ARHGAP12: variants seen among roughly 807,000 people sequenced by gnomAD.
ARHGAP12 encodes the protein Rho GTPase activating protein 12.
A neutral mutation model predicts 108.6 loss-of-function variants in ARHGAP12; 64 were observed. The ratio of observed to expected loss-of-function variants is 0.59; its 90% CI spans 0.48 to 0.73. The LOEUF (loss-of-function observed/expected upper bound fraction) is 0.73, where lower values mean the gene tolerates loss of function less well. Ranked by LOEUF, ARHGAP12 falls within the 30% of genes least tolerant of loss-of-function variation. The pLI is 0.00. For missense variants in ARHGAP12, 940 were observed against 1,005.9 expected, an observed-to-expected ratio of 0.93 and a Z score of 0.89; for synonymous variants, 312 against 337.2, an observed-to-expected ratio of 0.93 and a Z score of 0.82.
intron 3 of ARHGAP12, among the ~76,000 whole-genome samples, chr10:31,889,618 C>CT (rs1564414245): frequency 3.0e-3 from 300 of 101,400 alleles, no homozygotes; most frequent in African/African-American, 0.01. Context: ...TAATTTTTCT[C>CT]GTTTTTTTTT....
At chr10:31,864,872 T>C (rs12241716) in intron 3 of ARHGAP12, among the ~76,000 whole-genome samples, 7,683 of 152,184 alleles carry the variant, frequency 0.05, 648 homozygotes, top group African/African-American at 0.17. Flanking sequence ...AAGTGAAACA[T>C]GATAATAATA....
chr10:31,857,012 T>C (rs1404435947), intron 4 of ARHGAP12, among the ~76,000 whole-genome samples: 1 of 152,220 alleles, frequency 6.6e-6, no homozygotes, highest in African/African-American at 2.4e-5. Flanking sequence ...GTATGATAAA[T>C]GTATTGTGGT....
chr10:31,921,842 A>T lies in ARHGAP12; in HGVS notation c.-111+6841T>A, dbSNP rs1425630420. ...GATGAGAGCAGAAAGCAATAAAAAGAAAACAGAAAAATGTTAGAGAAAAAT... is the reference window on the plus strand; with the variant it reads ...GATGAGAGCAGAAAGCAATAAAAAGTAAACAGAAAAATGTTAGAGAAAAAT... On this transcript the variant is annotated intron_variant, in intron 1 of 19. Coordinates refer to ENST00000344936, the MANE Select transcript of ARHGAP12 (RefSeq NM_018287.7). Among the ~76,000 whole-genome samples the T allele has an allele frequency of 2.0e-5, 3 of 151,800 alleles. No individual in the cohort carries two copies. In the South Asian group the frequency reaches 6.2e-4, roughly 32 times the overall value.
chr10:31,813,961 A>G (rs2132148031), intron 14 of ARHGAP12, among the ~76,000 whole-genome samples: 1 of 152,328 alleles, frequency 6.6e-6, no homozygotes, highest in East Asian at 1.9e-4. Flanking sequence ...TTTTTAAATC[A>G]ATGAAGTTCA....
intron 2 of ARHGAP12, among the ~76,000 whole-genome samples, 162 bp from the exon 3 acceptor site, chr10:31,909,088 A>G (rs1001398472): frequency 6.6e-6 from 1 of 152,222 alleles, no homozygotes; most frequent in African/African-American, 2.4e-5. Flanking sequence ...ATGCACTGCC[A>G]CATTAAAAAC....
rs142748714 is a variant in ARHGAP12, at chr10:31,917,226, G to A, written c.-110-6663C>T. Among the ~76,000 whole-genome samples the A allele has an allele frequency of 1.9e-3, 292 of 151,576 alleles. No homozygotes were observed. In the Middle Eastern group the frequency reaches 0.021, roughly 11 times the overall value. On this transcript the variant is annotated intron_variant, in intron 1 of 19. Coordinates refer to ENST00000344936, the MANE Select transcript of ARHGAP12 (RefSeq NM_018287.7). ...AAATCGAGACCATGCTGGTTAACACGGTGAAACCTCGTCTCTACTAAAAAT... is the reference window on the plus strand; with the variant it reads ...AAATCGAGACCATGCTGGTTAACACAGTGAAACCTCGTCTCTACTAAAAAT...
chr10:31,928,433 G>A (rs1840155694), intron 1 of ARHGAP12, among the ~76,000 whole-genome samples: 1 of 151,666 alleles, frequency 6.6e-6, no homozygotes, highest in Admixed American at 6.6e-5. Context: ...TCTCGCCCAC[G>A]TCAGCCAATA....
chr10:31,815,839 A>G (rs1185702933), intron 13 of ARHGAP12, among the ~76,000 whole-genome samples: 1 of 152,130 alleles, frequency 6.6e-6, no homozygotes, highest in African/African-American at 2.4e-5. Context: ...AACAGTATGT[A>G]TTTTAAAATT....
intron 10 of ARHGAP12, among the ~76,000 whole-genome samples, chr10:31,829,963 AG>A (rs1430826711): frequency 6.6e-6 from 1 of 152,202 alleles, no homozygotes; most frequent in Non-Finnish European, 1.5e-5. Context: ...CTGCAAGCAG[AG>A]ATGAAAATTC....
At chr10:31,871,214 C>G (rs868162086) in intron 3 of ARHGAP12, among the ~76,000 whole-genome samples, 1 of 152,112 alleles carries the variant, frequency 6.6e-6, no homozygotes, top group African/African-American at 2.4e-5. Flanking sequence ...TATTGTTCTT[C>G]GGATATAACA....
chr10:31,861,469 T>C lies in ARHGAP12; in HGVS notation c.874A>G (p.Thr292Ala). Reference sequence around the variant, plus strand: ...CGAGTCCAACGAGGAGGTTTCCAAGTTCTTTCCTGTGTCCCTCTGTTATAG... The same window carrying C: ...CGAGTCCAACGAGGAGGTTTCCAAGCTCTTTCCTGTGTCCCTCTGTTATAG... ...YYYNRGTQER[T>A]WKPPRWTRDA... The change falls in exon 4 of 20, where the codon ACT becomes GCT. Residue 292 changes from threonine (T) to alanine (A), a missense_variant. Transcript: ENST00000344936. The C allele has an allele frequency of 6.2e-7, 1 of 1,614,202 alleles. No individual in the cohort carries two copies. Among genetic ancestry groups the C allele is most frequent in the Non-Finnish European group, 8.5e-7 (1 of 1,180,030 alleles).
chr10:31,854,577 C>T (rs947466799), intron 4 of ARHGAP12, among the ~76,000 whole-genome samples: 1 of 152,076 alleles, frequency 6.6e-6, no homozygotes, highest in African/African-American at 2.4e-5. Context: ...AGGGAGGAGA[C>T]GAGGGAACTT....
chr10:31,833,893 T>C (rs1481586113), intron 9 of ARHGAP12, among the ~76,000 whole-genome samples: 2 of 152,122 alleles, frequency 1.3e-5, no homozygotes, highest in Non-Finnish European at 2.9e-5. Flanking sequence ...GGTGGAGAAG[T>C]GGCAAGAAAT....
intron 11 of ARHGAP12, among the ~76,000 whole-genome samples, chr10:31,824,056 G>A (rs1351942159): frequency 6.6e-6 from 1 of 151,858 alleles, no homozygotes; most frequent in Non-Finnish European, 1.5e-5. Context: ...AATGTTCTTG[G>A]GTCATAATAC....
At chr10:31,840,223 T>C (rs1836207666) in intron 7 of ARHGAP12, among the ~76,000 whole-genome samples, 2 of 151,862 alleles carry the variant, frequency 1.3e-5, no homozygotes. Context: ...TATAGAAAAC[T>C]TTCCAAAAAT....
chr10:31,916,414 T>C (rs1183090367), intron 1 of ARHGAP12, among the ~76,000 whole-genome samples: 1 of 152,126 alleles, frequency 6.6e-6, no homozygotes, highest in African/African-American at 2.4e-5. Context: ...CCTATCACGC[T>C]ATTTTTTAAT....
intron 3 of ARHGAP12, among the ~76,000 whole-genome samples, chr10:31,878,595 C>T: frequency 6.6e-6 from 1 of 152,168 alleles, no homozygotes; most frequent in East Asian, 1.9e-4. Flanking sequence ...TCCCTATATT[C>T]CTTTATAGTA....
chr10:31,829,247 A>AT (rs1835740612), intron 10 of ARHGAP12, among the ~76,000 whole-genome samples: 1 of 152,242 alleles, frequency 6.6e-6, no homozygotes, highest in Non-Finnish European at 1.5e-5. Context: ...CAAAAGTTAT[A>AT]CATATAACAT....
At chr10:31,887,807 A>T (rs1215433007) in intron 3 of ARHGAP12, among the ~76,000 whole-genome samples, 2 of 151,634 alleles carry the variant, frequency 1.3e-5, no homozygotes, top group Non-Finnish European at 2.9e-5. Context: ...ACAGGTGCCC[A>T]CTACCACACC....
Sources: allele counts gnomAD v4.1 joint callset (sites outside exome capture counted in the v4.1 genomes callset), GRCh38; gene constraint gnomAD v4.1.1; transcripts MANE v1.5; gene names NCBI Gene and HGNC (gene_info 2026-07-23, HGNC 2026-07-21).